NREP: variants seen among roughly 807,000 people sequenced by gnomAD.
The protein encoded by NREP is neuronal regeneration related protein.
A neutral mutation model predicts 8.6 loss-of-function variants in NREP; 5 were observed. That is an observed-to-expected ratio of 0.58 (90% confidence interval 0.30 to 1.22). The LOEUF (loss-of-function observed/expected upper bound fraction) is 1.22, where lower values mean the gene tolerates loss of function less well. Among genes scored for constraint, NREP ranks in the 50% most tolerant of loss-of-function variants. The pLI is 0.07. For synonymous variants in NREP, 27 were observed against 28.0 expected (o/e 0.96, Z 0.11); for missense variants, 86 against 82.5 (o/e 1.04, Z -0.17).
At chr5:111,745,518 T>C (rs1191435403) in intron 2 of NREP, among the ~76,000 whole-genome samples, 2 of 152,182 alleles carry the variant, frequency 1.3e-5, no homozygotes, top group African/African-American at 4.8e-5. Context: ...CCAGATTGTT[T>C]TATATGACCC....
At chr5:111,799,397 G>A (rs1235408208) in intron 2 of NREP, among the ~76,000 whole-genome samples, 2 of 152,220 alleles carry the variant, frequency 1.3e-5, no homozygotes, top group East Asian at 1.9e-4. Context: ...ACCCACCCAT[G>A]AGCATGGGAT....
chr5:111,773,388 A>T lies in NREP; in HGVS notation c.136-37881T>A, dbSNP rs148580936. On this transcript the variant is annotated intron_variant, in intron 2 of 3. Coordinates refer to the NREP transcript ENST00000395634. ...TTACTAATTGGTCCTTGGCCACTCCAAGAAAATAGTGGTCACACAGTGCTT... is the reference window on the plus strand; with the variant it reads ...TTACTAATTGGTCCTTGGCCACTCCTAGAAAATAGTGGTCACACAGTGCTT... Among the ~76,000 whole-genome samples the T allele has an allele frequency of 5.1e-4, 77 of 152,340 alleles. 1 individual carries two copies. The East Asian group carries it at 0.01, about 20-fold the overall frequency.
At chr5:111,736,648 A>C (rs1561633141) in intron 2 of NREP, among the ~76,000 whole-genome samples, 1 of 152,186 alleles carries the variant, frequency 6.6e-6, no homozygotes, top group Non-Finnish European at 1.5e-5. Flanking sequence ...TAGATGGCTA[A>C]GTGTGTTCAC....
chr5:111,797,074 T>A (rs1581124592), intron 2 of NREP, among the ~76,000 whole-genome samples: 1 of 148,302 alleles, frequency 6.7e-6, no homozygotes, highest in Non-Finnish European at 1.5e-5. Context: ...GATAGATAGA[T>A]AGATAGATAG....
At chr5:111,905,555 C>T (rs1754760891) in intron 2 of NREP, among the ~76,000 whole-genome samples, 1 of 152,048 alleles carries the variant, frequency 6.6e-6, no homozygotes, top group Non-Finnish European at 1.5e-5. Flanking sequence ...TCCAAATATA[C>T]AGATCATTGA....
chr5:111,806,495 GAGA>G (rs1365232653), intron 2 of NREP, among the ~76,000 whole-genome samples: 4 of 152,322 alleles, frequency 2.6e-5, no homozygotes, highest in Admixed American at 6.5e-5. Context: ...AAGGGGTTTG[GAGA>G]AGAATATGGA....
intron 2 of NREP, among the ~76,000 whole-genome samples, chr5:111,876,647 T>G (rs1237017827): frequency 6.6e-6 from 1 of 152,214 alleles, no homozygotes. Context: ...ATCATTCTCT[T>G]ATTTAAAAGT....
intron 2 of NREP, among the ~76,000 whole-genome samples, chr5:111,866,178 G>A (rs1340257936): frequency 6.6e-6 from 1 of 152,110 alleles, no homozygotes; most frequent in Non-Finnish European, 1.5e-5. Context: ...AAGAGCTTCT[G>A]CACAGCAAAA....
intron 2 of NREP, among the ~76,000 whole-genome samples, chr5:111,807,576 A>T (rs781226914): frequency 3.3e-5 from 5 of 152,158 alleles, no homozygotes; most frequent in Admixed American, 2.0e-4. Flanking sequence ...GAATAACAGT[A>T]GAAGGTAAAA....
intron 2 of NREP, among the ~76,000 whole-genome samples, chr5:111,912,911 T>C (rs1754952156): frequency 6.6e-6 from 1 of 152,150 alleles, no homozygotes; most frequent in Admixed American, 6.6e-5. Flanking sequence ...GTACCACTTG[T>C]ATTTTTTTCT....
chr5:111,888,721 C>G (rs1364748189), intron 2 of NREP, among the ~76,000 whole-genome samples: 2 of 152,200 alleles, frequency 1.3e-5, no homozygotes, highest in East Asian at 1.9e-4. Context: ...TCCATGCTGT[C>G]TTTCTCTCCT....
intron 2 of NREP, among the ~76,000 whole-genome samples, chr5:111,859,968 T>G (rs1236554670): frequency 6.6e-6 from 1 of 152,166 alleles, no homozygotes; most frequent in Non-Finnish European, 1.5e-5. Context: ...TTCAGGTCTG[T>G]GGGCTAATTT....
At chr5:111,825,187 A>C (rs1035475664) in intron 2 of NREP, among the ~76,000 whole-genome samples, 3 of 152,142 alleles carry the variant, frequency 2.0e-5, no homozygotes, top group African/African-American at 7.2e-5. Flanking sequence ...ATTAAAAATA[A>C]AACTCAAATA....
upstream of NREP, among the ~76,000 whole-genome samples, chr5:111,759,711 G>T (rs1457423690): frequency 6.6e-6 from 1 of 152,046 alleles, no homozygotes; most frequent in Non-Finnish European, 1.5e-5. Context: ...AGGTGAAGGG[G>T]GCTGTGCTAA....
At chr5:111,768,761 C>A (rs1273405526) in intron 2 of NREP, among the ~76,000 whole-genome samples, 1 of 152,068 alleles carries the variant, frequency 6.6e-6, no homozygotes, top group African/African-American at 2.4e-5. Context: ...TTCAGTCTAC[C>A]ATTGATGGGC....
intron 2 of NREP, chr5:111,738,296 T>A (rs1299555357): frequency 2.0e-5 from 3 of 152,230 alleles, no homozygotes; most frequent in East Asian, 3.8e-4. Flanking sequence ...TGCTCTCAAA[T>A]GATTCAGACC....
At chr5:111,856,022 G>A (rs548641462) in intron 2 of NREP, among the ~76,000 whole-genome samples, 1 of 152,126 alleles carries the variant, frequency 6.6e-6, no homozygotes, top group Non-Finnish European at 1.5e-5. Flanking sequence ...TAACTTGCTG[G>A]GCACCAGCTG....
intron 2 of NREP, among the ~76,000 whole-genome samples, chr5:111,834,898 G>C (rs1156745407): frequency 6.6e-6 from 1 of 152,116 alleles, no homozygotes; most frequent in East Asian, 1.9e-4. Context: ...TTTAGCAGGA[G>C]GTTCAGACCA....
chr5:111,830,533 T>C (rs893705612), intron 2 of NREP, among the ~76,000 whole-genome samples: 2 of 152,188 alleles, frequency 1.3e-5, no homozygotes, highest in Non-Finnish European at 2.9e-5. Flanking sequence ...CAACAGTTTA[T>C]TTGGCTGAGT....
Sources: gnomAD v4.1 joint callset for allele counts (sites outside exome capture counted in the v4.1 genomes callset) on GRCh38, gnomAD v4.1.1 for gene constraint, MANE v1.5 for transcripts, NCBI Gene and HGNC (gene_info 2026-07-23, HGNC 2026-07-21) for gene names.